The following MARCHF10 variants were observed in gnomAD, a reference collection of about 807,000 sequenced individuals.
MARCHF10 encodes membrane associated ring-CH-type finger 10.
Under a neutral mutation model 76.2 loss-of-function variants are expected in MARCHF10, and 64 were observed. The ratio of observed to expected loss-of-function variants is 0.84; its 90% CI spans 0.69 to 1.03. The LOEUF (loss-of-function observed/expected upper bound fraction) is 1.03, where lower values mean the gene tolerates loss of function less well. Ranked by LOEUF, MARCHF10 falls within the 50% of genes least tolerant of loss-of-function variation. The pLI, the probability that MARCHF10 is intolerant of heterozygous loss-of-function variation, is 0.00. For synonymous variants in MARCHF10, 340 were observed against 357.5 expected (o/e 0.95, Z 0.55); for missense variants, 875 against 958.0 (o/e 0.91, Z 1.14).
intron 6 of MARCHF10, among the ~76,000 whole-genome samples, chr17:62,732,744 G>A (rs1178581212): frequency 6.6e-6 from 1 of 152,114 alleles, no homozygotes; most frequent in African/African-American, 2.4e-5. Context: ...TGTAATTCCA[G>A]CACTTTGAGG....
chr17:62,784,836 C>A (rs2092719657), intron 3 of MARCHF10, among the ~76,000 whole-genome samples: 1 of 152,138 alleles, frequency 6.6e-6, no homozygotes, highest in East Asian at 1.9e-4. Context: ...AGGACCTCTT[C>A]AAGGAGAACT....
At chr17:62,743,724 G>A (rs2091599887) in intron 5 of MARCHF10, among the ~76,000 whole-genome samples, 1 of 152,202 alleles carries the variant, frequency 6.6e-6, no homozygotes, top group Non-Finnish European at 1.5e-5. Context: ...GGTTTCCTAA[G>A]AGAAAGAATG....
At chr17:62,772,703 GA>G (rs2092470610) in intron 3 of MARCHF10, among the ~76,000 whole-genome samples, 1 of 152,030 alleles carries the variant, frequency 6.6e-6, no homozygotes, top group African/African-American at 2.4e-5. Context: ...ACTTGCATGG[GA>G]AAAAAATTAC....
intron 3 of MARCHF10, among the ~76,000 whole-genome samples, chr17:62,763,947 C>A (rs1158745730): frequency 6.6e-6 from 1 of 152,120 alleles, no homozygotes; most frequent in East Asian, 1.9e-4. Context: ...CTGCCCAGGG[C>A]TACGCGCTTT....
intron 5 of MARCHF10, among the ~76,000 whole-genome samples, chr17:62,739,535 C>A (rs2091425219): frequency 6.6e-6 from 1 of 151,946 alleles, no homozygotes; most frequent in Non-Finnish European, 1.5e-5. Context: ...GCATGCTCCA[C>A]CAAGCCCGGC....
intron 4 of MARCHF10, chr17:62,746,828 C>T: frequency 7.2e-7 from 1 of 1,392,994 alleles, no homozygotes; most frequent in Non-Finnish European, 9.8e-7. Flanking sequence ...GAACTTCACA[C>T]TGCCCAGAGG....
At chr17:62,719,010 T>A (rs1599080347) in intron 8 of MARCHF10, among the ~76,000 whole-genome samples, 1 of 152,236 alleles carries the variant, frequency 6.6e-6, no homozygotes, top group East Asian at 1.9e-4. Flanking sequence ...ACCCTTAAAA[T>A]TTTAAACAAG....
rs769714716 is a variant in MARCHF10 at position 62,788,510 on chromosome 17, G to A, written c.180C>T (p.Ser60=). 6.2e-7 allele frequency: 1 copy of A among 1,613,984 alleles called. No homozygotes were observed. The highest frequency in any genetic ancestry group is 8.5e-7 in the Non-Finnish European group (1 of 1,180,004). ...FWGQETSFER[S]RFSSRSSSKQ... ...TGGAAGATGACCTGCTAGAAAACCGGGATCTCTCAAAACTTGTCTCTTGCC... is the reference window on the plus strand; with the variant it reads ...TGGAAGATGACCTGCTAGAAAACCGAGATCTCTCAAAACTTGTCTCTTGCC... Residue 60 remains serine (S), a synonymous_variant, in exon 3 of 11, where the codon TCC becomes TCT. Transcript: ENST00000311269.
chr17:62,767,212 C>T (rs1471319112), intron 3 of MARCHF10, among the ~76,000 whole-genome samples: 1 of 152,112 alleles, frequency 6.6e-6, no homozygotes, highest in Non-Finnish European at 1.5e-5. Context: ...TAAAGTAGTA[C>T]TTACAATTTA....
rs1349531599 is a variant in MARCHF10, at chr17:62,711,609, A to T, written c.2215-265T>A. On this transcript the variant is annotated intron_variant, in intron 8 of 10. Coordinates refer to ENST00000311269, the MANE Select transcript of MARCHF10 (RefSeq NM_152598.4). This position sits in a 1 kb window ranked among gnomAD's most constrained non-coding sequence, Gnocchi z 4.4. ...TTTTCCAGGCTCAATCCCATTCCAC[A>T]TTTATTGAGCAGTTACATATGCAAA... 1.3e-5 allele frequency among the ~76,000 whole-genome samples: 2 copies of T among 152,200 alleles called. No homozygotes were observed. The highest frequency in any genetic ancestry group is 4.8e-5 in the African/African-American group (2 of 41,444).
chr17:62,719,312 CT>C lies in MARCHF10; in HGVS notation c.2214+3175del, dbSNP rs966519022. On this transcript the variant is annotated intron_variant, in intron 8 of 10. Coordinates refer to ENST00000311269, the MANE Select transcript of MARCHF10 (RefSeq NM_152598.4). Reference sequence around the variant, plus strand: ...TGATCATTTCTGTATGTAATTTTTACTTTTTTTTTGATATTTTACTTTTTTG... The same window carrying C: ...TGATCATTTCTGTATGTAATTTTTACTTTTTTTTGATATTTTACTTTTTTG... Among the ~76,000 whole-genome samples the C allele has an allele frequency of 3.9e-3, 594 of 151,512 alleles. 4 individuals carry two copies. Among genetic ancestry groups the C allele is most frequent in the African/African-American group, 0.013 (518 of 41,346 alleles).
At chr17:62,764,250 C>T (rs139618264) in intron 3 of MARCHF10, among the ~76,000 whole-genome samples, 13 of 152,356 alleles carry the variant, frequency 8.5e-5, no homozygotes, top group Middle Eastern at 3.4e-3. Context: ...TATTTTCCAA[C>T]TATTGCCTGA....
chr17:62,705,020 G>C (rs2089491163), intron 10 of MARCHF10: 37 of 987,776 alleles, frequency 3.7e-5, no homozygotes, highest in Non-Finnish European at 4.4e-5. Context: ...GAGCCGTCTT[G>C]CCCGCTTTGA....
chr17:62,702,601 G>A (rs1189801571), intron 10 of MARCHF10, among the ~76,000 whole-genome samples: 1 of 152,110 alleles, frequency 6.6e-6, no homozygotes, highest in Non-Finnish European at 1.5e-5. Context: ...GGGAGGCAGA[G>A]GCTGCAGTGA....
At chr17:62,739,149 A>T (rs1383721560) in intron 5 of MARCHF10, among the ~76,000 whole-genome samples, 3 of 151,942 alleles carry the variant, frequency 2.0e-5, no homozygotes, top group Non-Finnish European at 2.9e-5. Flanking sequence ...AAATACAAAA[A>T]TTAGCCGGGT....
intron 10 of MARCHF10, among the ~76,000 whole-genome samples, chr17:62,703,584 A>C (rs1049035163): frequency 1.3e-5 from 2 of 152,164 alleles, no homozygotes; most frequent in Non-Finnish European, 2.9e-5. Context: ...GGGCAGGTGG[A>C]GATGGCCTGG....
At chr17:62,791,731 A>C (rs1013698673) in intron 2 of MARCHF10, among the ~76,000 whole-genome samples, 11 of 152,202 alleles carry the variant, frequency 7.2e-5, no homozygotes, top group Non-Finnish European at 1.5e-4. Flanking sequence ...TCACAGTCGT[A>C]GAAGCAGCAA....
intron 10 of MARCHF10, among the ~76,000 whole-genome samples, chr17:62,704,053 C>G (rs952748921): frequency 1.7e-4 from 25 of 151,104 alleles, no homozygotes; most frequent in Admixed American, 1.1e-3. Flanking sequence ...GGAGGGGGCG[C>G]CTGGGCGCGG....
rs78953975 is a variant in MARCHF10 at position 62,795,017 on chromosome 17, T to C, written c.91-6418A>G. 9,441 of 985,240 alleles carry C rather than the reference T, an allele frequency of 9.6e-3. 665 individuals carry two copies. The African/African-American group carries it at 0.15, about 16-fold the overall frequency. The allele number at this position is 985,240 out of a possible 1,614,324, so 61.0% of individuals were successfully genotyped here. A position where few individuals can be genotyped will look rare whatever the true frequency, so the allele number is the denominator to read the frequency against. ...TGGCTGTGAAGAGTAGAGCAACACA[T>C]ACCTCAAAGGTGAGCCAGGAGGAGA... On this transcript the variant is annotated intron_variant, in intron 2 of 10. Coordinates refer to ENST00000311269, the MANE Select transcript of MARCHF10 (RefSeq NM_152598.4).
Sources: allele counts gnomAD v4.1 joint callset (sites outside exome capture counted in the v4.1 genomes callset), GRCh38; gene constraint gnomAD v4.1.1; non-coding constraint Gnocchi (gnomAD v3.1); transcripts MANE v1.5; gene names NCBI Gene and HGNC (gene_info 2026-07-23, HGNC 2026-07-21).